The following DNPEP variants were observed in gnomAD, a reference collection of about 807,000 sequenced individuals.
DNPEP encodes aspartyl aminopeptidase.
In DNPEP, 46 loss-of-function variants were observed where a neutral mutation model predicts 59.1. That is an observed-to-expected ratio of 0.78 (90% CI 0.61 to 0.99). The LOEUF (loss-of-function observed/expected upper bound fraction) is 0.99. Ranked by LOEUF, DNPEP falls within the 50% of genes least tolerant of loss-of-function variation. The pLI, the probability that DNPEP is intolerant of heterozygous loss-of-function variation, is 0.00. For missense variants in DNPEP, 617 were observed against 649.9 expected, an observed-to-expected ratio of 0.95 and a Z score of 0.55; for synonymous variants, 229 against 242.2, an observed-to-expected ratio of 0.95 and a Z score of 0.50.
intron 1 of DNPEP, 115 bp downstream of exon 1, chr2:219,387,644 G>T: frequency 6.4e-7 from 1 of 1,555,222 alleles, no homozygotes; most frequent in South Asian, 1.2e-5. Context: ...CGGGGCTTTC[G>T]GTTTCGCTTT....
upstream of DNPEP, chr2:219,388,856 C>G (rs1053762235): frequency 5.1e-6 from 5 of 985,358 alleles, no homozygotes; most frequent in Non-Finnish European, 6.0e-6. Context: ...TCACAACTGC[C>G]CCATCAACTA....
chr2:219,381,860 C>G (rs896242559), intron 11 of DNPEP, 119 bp downstream of exon 11: 3 of 1,317,096 alleles, frequency 2.3e-6, no homozygotes, highest in Non-Finnish European at 3.1e-6. Flanking sequence ...GCCCGTGAAC[C>G]TCCCGGCAGA....
rs991404082 is a variant in DNPEP at position 219,373,032 on chromosome 2, G to T, written c.*1260C>A. On this transcript the variant is annotated 3_prime_UTR_variant, in exon 15 of 15. Transcript: ENST00000273075. ...GTTTGCACAATTATTTTAGTGGAAG[G>T]AAGGAGGTTGGTTTATAAGCAGGCT... is the stretch of plus-strand genomic sequence containing the variant. Among the ~76,000 whole-genome samples the T allele has an allele frequency of 1.3e-5, 2 of 151,908 alleles. No homozygotes were observed. Among genetic ancestry groups the T allele is most frequent in the Non-Finnish European group, 2.9e-5 (2 of 67,968 alleles).
Position 219,381,455 on chromosome 2 carries a change from A to G in DNPEP, c.1138-19T>C, listed in dbSNP as rs1388997452. On this transcript the variant is annotated intron_variant, in intron 12 of 14. Coordinates refer to ENST00000273075, the MANE Select transcript of DNPEP (RefSeq NM_012100.4). ...CGGGGCCCTGGGGAGAGTCAAGGTG[A>G]GGCAGAGGTAATGACAGGCCCAAAG... 6.2e-7 allele frequency: 1 copy of G among 1,614,154 alleles called. No homozygotes were observed. The highest frequency in any genetic ancestry group is 8.5e-7 in the Non-Finnish European group (1 of 1,179,990).
Position 219,387,824 on chromosome 2 carries a change from G to T in DNPEP, c.-30C>A. ...CCTCCGGGCTCGGCCCGCCCCCACC[G>T]CGCCGCCTGCCCCGCCCCTCACTAG... is the stretch of plus-strand genomic sequence containing the variant. On this transcript the variant is annotated 5_prime_UTR_variant, in exon 1 of 15. Coordinates refer to ENST00000273075, the MANE Select transcript of DNPEP (RefSeq NM_012100.4). The T allele has an allele frequency of 7.6e-7, 1 of 1,319,712 alleles. No individual in the cohort carries two copies. Among genetic ancestry groups the T allele is most frequent in the Non-Finnish European group, 1.0e-6 (1 of 1,003,896 alleles). 81.8% of individuals were successfully genotyped at this position (1,319,712 alleles called of 1,614,324 possible). A position where few individuals can be genotyped will look rare whatever the true frequency, so the allele number is the denominator to read the frequency against.
At chr2:219,379,691 G>A (rs1458550338) in intron 13 of DNPEP, among the ~76,000 whole-genome samples, 3 of 152,130 alleles carry the variant, frequency 2.0e-5, no homozygotes, top group Non-Finnish European at 4.4e-5. Context: ...GGGAGGCCGA[G>A]GCGGGCGGAT....
Position 219,387,880 on chromosome 2 carries a change from C to A in DNPEP, c.-86G>T, listed in dbSNP as rs1050322219. 5 of 1,451,644 alleles carry A rather than the reference C, an allele frequency of 3.4e-6. No homozygotes were observed. The highest frequency in any genetic ancestry group is 4.5e-6 in the Non-Finnish European group (5 of 1,102,758). 89.9% of individuals were successfully genotyped at this position (1,451,644 alleles called of 1,614,324 possible). A position where few individuals can be genotyped will look rare whatever the true frequency, so the allele number is the denominator to read the frequency against. ...CAGGTCCCCCGCGTGCCCCTTCAGG[C>A]CGCGCCGCACTCGTAGGCCTTCATC... On this transcript the variant is annotated 5_prime_UTR_variant, in exon 1 of 15. Transcript: ENST00000273075.
At chr2:219,383,443 C>A (rs1279226184) in intron 9 of DNPEP, among the ~76,000 whole-genome samples, 1 of 151,638 alleles carries the variant, frequency 6.6e-6, no homozygotes, top group Non-Finnish European at 1.5e-5. Context: ...TAGGTAGAAA[C>A]CTTTAAGGTG....
chr2:219,381,435 C>A lies in DNPEP; in HGVS notation c.1139G>T (p.Gly380Val), dbSNP rs745958367. The change falls in exon 13 of 15, where the codon GGC becomes GTC. Residue 380 changes from glycine (G) to valine (V), a missense_variant and splice_region_variant. By Grantham distance (109) the Gly-to-Val change is moderately radical (BLOSUM62 -3). Coordinates refer to ENST00000273075, the MANE Select transcript of DNPEP (RefSeq NM_012100.4). The stretch of plus-strand genomic sequence containing the variant: ...CTTGCTGTTCACCTTGATCACGGGG[C>A]CCTGGGGAGAGTCAAGGTGAGGCAG... ...EENHRPLFHK[G>V]PVIKVNSKQR... The A allele has an allele frequency of 6.2e-7, 1 of 1,614,210 alleles. No individual in the cohort carries two copies. Among genetic ancestry groups the A allele is most frequent in the Non-Finnish European group, 8.5e-7 (1 of 1,180,026 alleles).
upstream of DNPEP, among the ~76,000 whole-genome samples, chr2:219,390,136 A>G (rs1039512475): frequency 2.6e-5 from 4 of 152,242 alleles, no homozygotes; most frequent in Non-Finnish European, 5.9e-5. Flanking sequence ...TTGGGAGGGA[A>G]ATACAGAAGT....
At chr2:219,383,384 C>T (rs993109697) in intron 9 of DNPEP, among the ~76,000 whole-genome samples, 170 bp from the exon 10 acceptor site, 2 of 152,192 alleles carry the variant, frequency 1.3e-5, no homozygotes, top group Non-Finnish European at 2.9e-5. Flanking sequence ...CACTGCCTGG[C>T]AGAGGGTGTG....
intron 1 of DNPEP, chr2:219,399,331 C>A: frequency 2.5e-6 from 1 of 401,638 alleles, no homozygotes. Flanking sequence ...CCACCCTGGT[C>A]CACCAGGCAT....
At chr2:219,393,480 A>G (rs922684212), upstream of DNPEP, 3 of 152,214 alleles carry the variant, frequency 2.0e-5, no homozygotes, top group Non-Finnish European at 4.4e-5. Flanking sequence ...GGGTTTCACC[A>G]TGTTGGCCAG....
chr2:219,387,593 T>G (rs1186550987), intron 1 of DNPEP, 166 bp downstream of exon 1: 1 of 1,524,186 alleles, frequency 6.6e-7, no homozygotes, highest in African/African-American at 1.4e-5. Context: ...CTCGCAGGAC[T>G]CCCCCTTCCA....
chr2:219,376,553 G>C (rs941773746), intron 13 of DNPEP, among the ~76,000 whole-genome samples: 1 of 151,614 alleles, frequency 6.6e-6, no homozygotes, highest in Admixed American at 6.6e-5. Context: ...TATTTGAGAC[G>C]ACATTTCACC....
intron 13 of DNPEP, among the ~76,000 whole-genome samples, chr2:219,379,562 T>C (rs960245211): frequency 2.0e-5 from 3 of 152,220 alleles, no homozygotes; most frequent in African/African-American, 7.2e-5. Flanking sequence ...AGCTGTACTA[T>C]GTGTTTGTGT....
upstream of DNPEP, among the ~76,000 whole-genome samples, chr2:219,389,611 C>T (rs898935587): frequency 3.3e-5 from 5 of 152,154 alleles, no homozygotes; most frequent in East Asian, 9.7e-4. Flanking sequence ...GGGTAGATCA[C>T]TTGAGGTCAG....
At chr2:219,387,979 C>T, upstream of DNPEP, 1 of 1,286,580 alleles carries the variant, frequency 7.8e-7, no homozygotes. Flanking sequence ...TCGGCATCCG[C>T]CCCGCCCACC....
Position 219,374,006 on chromosome 2 carries a change from T to C in DNPEP, c.*286A>G. ...GGAGAAGTGACCTTCTGCTTGAGGATCCAGTCCACCCTTCACCCACTTCAG... is the reference window on the plus strand; with the variant it reads ...GGAGAAGTGACCTTCTGCTTGAGGACCCAGTCCACCCTTCACCCACTTCAG... On this transcript the variant is annotated 3_prime_UTR_variant, in exon 15 of 15. Coordinates refer to ENST00000273075, the MANE Select transcript of DNPEP (RefSeq NM_012100.4). 2.5e-6 allele frequency: 1 copy of C among 395,180 alleles called. No individual in the cohort carries two copies. Among genetic ancestry groups the C allele is most frequent in the South Asian group, 5.6e-5 (1 of 17,738 alleles). The allele number at this position is 395,180 out of a possible 1,614,324, so 24.5% of individuals were successfully genotyped here.
Sources: allele counts gnomAD v4.1 joint callset (sites outside exome capture counted in the v4.1 genomes callset), GRCh38; gene constraint gnomAD v4.1.1; transcripts MANE v1.5; gene names NCBI Gene and HGNC (gene_info 2026-07-23, HGNC 2026-07-21).